TMTC1: variants seen among roughly 807,000 people sequenced by gnomAD.
The protein encoded by TMTC1 is protein O-mannosyl-transferase TMTC1.
Under a neutral mutation model 104.8 loss-of-function variants are expected in TMTC1, and 73 were observed. The ratio of observed to expected loss-of-function variants is 0.70; its 90% confidence interval spans 0.58 to 0.85. The LOEUF is 0.85. TMTC1 is among the 40% of genes least tolerant of loss of function. TMTC1 has a pLI of 0.00. For missense variants in TMTC1, 1,035 were observed against 1,096.1 expected (o/e 0.94, Z 0.79); for synonymous variants, 434 against 428.7 (o/e 1.01, Z -0.15).
chr12:29,660,796 AT>A, intron 5 of TMTC1: 2 of 1,166,734 alleles, frequency 1.7e-6, no homozygotes, highest in Non-Finnish European at 1.2e-6. Context: ...ATATATATAT[AT>A]ACTTACATAA....
chr12:29,603,932 C>G (rs939386565), intron 7 of TMTC1, among the ~76,000 whole-genome samples: 2 of 152,186 alleles, frequency 1.3e-5, no homozygotes, highest in African/African-American at 4.8e-5. Flanking sequence ...TGAATATACT[C>G]AAGTTAATAT....
intron 5 of TMTC1, among the ~76,000 whole-genome samples, chr12:29,751,339 G>A (rs1943084908): frequency 6.6e-6 from 1 of 152,144 alleles, no homozygotes; most frequent in African/African-American, 2.4e-5. Context: ...GAGAGAGGCA[G>A]GAGAAGGGGA....
At chr12:29,604,389 A>C in intron 6 of TMTC1, 90 bp from the exon 7 acceptor site, 48 of 1,530,812 alleles carry the variant, frequency 3.1e-5, no homozygotes, top group Non-Finnish European at 4.0e-5. Context: ...TCAGGTTCTC[A>C]ATGAAGAAAT....
At chr12:29,701,721 C>T (rs1020844283) in intron 5 of TMTC1, among the ~76,000 whole-genome samples, 5 of 152,200 alleles carry the variant, frequency 3.3e-5, no homozygotes, top group Non-Finnish European at 7.3e-5. Context: ...CTACAGGCTA[C>T]AGCAATGCCA....
At chr12:29,679,101 T>G (rs555600916) in intron 5 of TMTC1, among the ~76,000 whole-genome samples, 6 of 152,306 alleles carry the variant, frequency 3.9e-5, no homozygotes, top group African/African-American at 1.4e-4. Context: ...CAGTGCAATA[T>G]CATTCAATGA....
chr12:29,601,907 C>G (rs1565701257), intron 7 of TMTC1, among the ~76,000 whole-genome samples: 1 of 142,206 alleles, frequency 7.0e-6, no homozygotes, highest in Non-Finnish European at 1.5e-5. Flanking sequence ...GCGATCTCAG[C>G]TCACTGCAAG....
At chr12:29,637,085 AAC>A (rs200543052) in intron 5 of TMTC1, among the ~76,000 whole-genome samples, 1,170 of 47,604 alleles carry the variant, frequency 0.025, 9 homozygotes, top group African/African-American at 0.046. Context: ...CAAAATGAGA[AAC>A]ACACACACAC....
Position 29,706,378 on chromosome 12 carries a change from T to C in TMTC1, c.938+45288A>G, listed in dbSNP as rs1254450512. Among the ~76,000 whole-genome samples, 7 of 152,198 alleles carry C rather than the reference T, an allele frequency of 4.6e-5. 1 individual carries two copies. In the East Asian group the frequency reaches 1.3e-3, roughly 29 times the overall value. On this transcript the variant is annotated intron_variant, in intron 5 of 17. Coordinates refer to ENST00000539277, the MANE Select transcript of TMTC1 (RefSeq NM_001193451.2). ...AATAATATAATCCCTATTTCCTGTG[T>C]GTTGAGACATAAAGGCATTGCATTT...
At chr12:29,638,073 G>A (rs1938645502) in intron 5 of TMTC1, among the ~76,000 whole-genome samples, 1 of 152,088 alleles carries the variant, frequency 6.6e-6, no homozygotes, top group African/African-American at 2.4e-5. Context: ...GGGAAGTGCT[G>A]GGTAGAGAAG....
intron 5 of TMTC1, among the ~76,000 whole-genome samples, chr12:29,635,433 C>T (rs374828511): frequency 6.6e-6 from 1 of 152,166 alleles, no homozygotes. Flanking sequence ...AGTCACATCC[C>T]AGCTCTTAAA....
chr12:29,753,496 G>T (rs899979193), intron 4 of TMTC1, among the ~76,000 whole-genome samples: 14 of 152,224 alleles, frequency 9.2e-5, no homozygotes, highest in Non-Finnish European at 2.1e-4. Flanking sequence ...TGACTGTGGG[G>T]AGGATACTTT....
intron 7 of TMTC1, among the ~76,000 whole-genome samples, chr12:29,598,943 G>A (rs984346224): frequency 6.6e-6 from 1 of 152,104 alleles, no homozygotes; most frequent in African/African-American, 2.4e-5. Context: ...TTCTTGATCA[G>A]TTGTATCCCA....
intron 5 of TMTC1, among the ~76,000 whole-genome samples, chr12:29,678,508 G>A (rs891246631): frequency 6.6e-6 from 1 of 152,144 alleles, no homozygotes; most frequent in African/African-American, 2.4e-5. Flanking sequence ...GTTTGAAGAT[G>A]CAGAGCCACA....
At chr12:29,635,163 CTT>C (rs1938485645) in intron 5 of TMTC1, among the ~76,000 whole-genome samples, 1 of 150,584 alleles carries the variant, frequency 6.6e-6, no homozygotes, top group South Asian at 2.1e-4. Context: ...AAAGTCCAGG[CTT>C]TGTTATTTAA....
At chr12:29,621,908 G>A (rs1454863091) in intron 6 of TMTC1, among the ~76,000 whole-genome samples, 2 of 152,164 alleles carry the variant, frequency 1.3e-5, no homozygotes, top group African/African-American at 2.4e-5. Context: ...GTTGCTGGTC[G>A]TCACCTCTAC....
intron 5 of TMTC1, among the ~76,000 whole-genome samples, chr12:29,678,270 G>C (rs1207978495): frequency 6.6e-6 from 1 of 152,164 alleles, no homozygotes; most frequent in African/African-American, 2.4e-5. Flanking sequence ...CGGTGGCTGA[G>C]ATTGGCTTAT....
chr12:29,652,467 A>C (rs1035430405), intron 5 of TMTC1, among the ~76,000 whole-genome samples: 1 of 152,356 alleles, frequency 6.6e-6, no homozygotes, highest in South Asian at 2.1e-4. Flanking sequence ...AAAATGTCTT[A>C]ACGACAAAAA....
chr12:29,671,246 G>C lies in TMTC1; in HGVS notation c.939-37910C>G, dbSNP rs536883358. Among the ~76,000 whole-genome samples, 92 of 151,614 alleles carry C rather than the reference G, an allele frequency of 6.1e-4. 1 individual carries two copies. Among genetic ancestry groups the C allele is most frequent in the Admixed American group, 1.4e-3 (21 of 15,230 alleles). On this transcript the variant is annotated intron_variant, in intron 5 of 17. Coordinates refer to ENST00000539277, the MANE Select transcript of TMTC1 (RefSeq NM_001193451.2). ...GGGAGGCCTCCGGAGGTTGCAGTGA[G>C]CAGCGATTGCACCACTGCACTCCAG... is the stretch of plus-strand genomic sequence containing the variant.
At position 29,783,346 on chromosome 12, in the gene TMTC1, CA is replaced by C; in HGVS notation, c.302+103del. The C allele has an allele frequency of 1.8e-6, 2 of 1,090,526 alleles. No individual in the cohort carries two copies. The highest frequency in any genetic ancestry group is 2.3e-6 in the Non-Finnish European group (2 of 854,036). The allele number at this position is 1,090,526 out of a possible 1,614,324, so 67.6% of individuals were successfully genotyped here. A position where few individuals can be genotyped will look rare whatever the true frequency, so the allele number is the denominator to read the frequency against. Reference sequence around the variant, plus strand: ...AGGGAGGCGTGGAGGGAAAGGGCGGCAAAAATGAAATGCCCCCAAGTCAGTC... The same window carrying C: ...AGGGAGGCGTGGAGGGAAAGGGCGGCAAAATGAAATGCCCCCAAGTCAGTC... On this transcript the variant is annotated intron_variant, in intron 1 of 17. Transcript: ENST00000539277. This position sits in a 1 kb window ranked among gnomAD's most constrained non-coding sequence, Gnocchi z 4.7.
Sources: gnomAD v4.1 joint callset for allele counts (sites outside exome capture counted in the v4.1 genomes callset) on GRCh38, gnomAD v4.1.1 for gene constraint, Gnocchi (gnomAD v3.1) non-coding constraint, MANE v1.5 for transcripts, NCBI Gene and HGNC (gene_info 2026-07-23, HGNC 2026-07-21) for gene names.